The following NBAS variants were observed in gnomAD, a reference collection of about 807,000 sequenced individuals.
NBAS encodes the protein NBAS subunit of NRZ tethering complex, also known as NAG/BC035112 fusion.
In NBAS, 219 loss-of-function variants were observed where a neutral mutation model predicts 302.5. That is an observed-to-expected ratio of 0.72 (90% CI 0.65 to 0.81). The LOEUF is 0.81. Ranked by LOEUF, NBAS falls within the 30% of genes least tolerant of loss-of-function variation. NBAS has a pLI of 0.00. For missense variants in NBAS, 2,932 were observed against 2,841.6 expected (o/e 1.03, Z -0.72); for synonymous variants, 1,118 against 1,021.6 (o/e 1.09, Z -1.80).
chr2:15,224,268 A>G (rs1012608579), intron 47 of NBAS, among the ~76,000 whole-genome samples: 2 of 152,254 alleles, frequency 1.3e-5, no homozygotes, highest in Non-Finnish European at 2.9e-5. Context: ...ATTGAATCAC[A>G]GCAAGAAGAC....
At chr2:14,931,088 G>T in the NBAS span, among the ~76,000 whole-genome samples, 1 of 152,136 alleles carries the variant, frequency 6.6e-6, no homozygotes, top group Admixed American at 6.5e-5. Flanking sequence ...ATGAATGAAT[G>T]AACACCTAAC....
At chr2:15,243,486 G>C (rs757028258) in intron 44 of NBAS, among the ~76,000 whole-genome samples, 1 of 151,250 alleles carries the variant, frequency 6.6e-6, no homozygotes, top group Non-Finnish European at 1.5e-5. Flanking sequence ...ACTATCTACC[G>C]AAAGCCTCTA....
chr2:15,054,239 C>A, the NBAS span, among the ~76,000 whole-genome samples: 1 of 152,204 alleles, frequency 6.6e-6, no homozygotes, highest in African/African-American at 2.4e-5. Flanking sequence ...TAAGGAAAGC[C>A]ATGTGCAGAG....
intron 51 of NBAS, among the ~76,000 whole-genome samples, chr2:15,168,706 T>G (rs769151281): frequency 6.6e-6 from 1 of 152,264 alleles, no homozygotes; most frequent in African/African-American, 2.4e-5. Context: ...CTCGGCTCAC[T>G]GCAACCTCCT....
the NBAS span, among the ~76,000 whole-genome samples, chr2:15,138,054 C>T: frequency 6.6e-6 from 1 of 152,148 alleles, no homozygotes; most frequent in African/African-American, 2.4e-5. Context: ...ACGAGAATCA[C>T]AGAATGGTCC....
intron 43 of NBAS, among the ~76,000 whole-genome samples, chr2:15,276,085 A>G (rs1669571396): frequency 6.6e-6 from 1 of 152,122 alleles, no homozygotes; most frequent in Admixed American, 6.6e-5. Flanking sequence ...AGAGATGACA[A>G]TATCTCCATG....
intron 9 of NBAS, among the ~76,000 whole-genome samples, chr2:15,512,971 C>T (rs897059050): frequency 6.6e-6 from 1 of 152,202 alleles, no homozygotes; most frequent in African/African-American, 2.4e-5. Context: ...CATTTGACAA[C>T]CCACTTTCTA....
At chr2:14,828,458 G>A in the NBAS span, among the ~76,000 whole-genome samples, 250 of 152,114 alleles carry the variant, frequency 1.6e-3, 1 homozygote, top group Non-Finnish European at 1.2e-3. Flanking sequence ...AAGGAGGAGA[G>A]GTTAGGCAGA....
At chr2:14,933,593 C>A in the NBAS span, among the ~76,000 whole-genome samples, 3 of 152,072 alleles carry the variant, frequency 2.0e-5, no homozygotes, top group Non-Finnish European at 1.5e-5. Context: ...GAACAAATGA[C>A]CCTCTTTTTT....
intron 40 of NBAS, among the ~76,000 whole-genome samples, chr2:15,304,925 G>A (rs1670962002): frequency 1.3e-5 from 2 of 152,178 alleles, no homozygotes; most frequent in African/African-American, 4.8e-5. Flanking sequence ...GTTAGTTCTA[G>A]GAAGTAACTA....
At chr2:15,074,529 C>T in the NBAS span, among the ~76,000 whole-genome samples, 1 of 151,544 alleles carries the variant, frequency 6.6e-6, no homozygotes, top group Admixed American at 6.6e-5. Context: ...GACAAGAAGT[C>T]ACAAAGAAAT....
At chr2:14,921,740 G>A in the NBAS span, among the ~76,000 whole-genome samples, 11 of 152,082 alleles carry the variant, frequency 7.2e-5, no homozygotes, top group South Asian at 2.1e-4. Flanking sequence ...TGTGTGATTC[G>A]TGTATAAGCT....
chr2:14,924,461 A>G, the NBAS span, among the ~76,000 whole-genome samples: 4 of 152,252 alleles, frequency 2.6e-5, no homozygotes, highest in South Asian at 2.1e-4. Context: ...CTCCAGATAT[A>G]TGCAAAAGGC....
chr2:14,952,460 G>A, the NBAS span, among the ~76,000 whole-genome samples: 2 of 152,216 alleles, frequency 1.3e-5, no homozygotes, highest in African/African-American at 4.8e-5. Flanking sequence ...TGCAAAGCAA[G>A]AAGAACCCAG....
rs34790746 is a variant in NBAS, at chr2:15,335,174, T to TAAA, written c.4180-4412_4180-4410dup. ...CAATGCAATGGGACCTCATCTCTCT[T>TAAA]AAAAAAAAAAAAAAAAAAAAAAAAT... On this transcript the variant is annotated intron_variant, in intron 35 of 51. Coordinates refer to ENST00000281513, the MANE Select transcript of NBAS (RefSeq NM_015909.4). Among the ~76,000 whole-genome samples, 373 of 117,254 alleles carry TAAA rather than the reference T, an allele frequency of 3.2e-3. 4 individuals carry two copies. Among genetic ancestry groups the TAAA allele is most frequent in the African/African-American group, 0.012 (347 of 30,014 alleles). The allele number at this position is 117,254 out of a possible 152,430, so 76.9% of individuals were successfully genotyped here. A position where few individuals can be genotyped will look rare whatever the true frequency, so the allele number is the denominator to read the frequency against.
intron 35 of NBAS, among the ~76,000 whole-genome samples, chr2:15,344,217 T>C (rs1672984251): frequency 6.6e-6 from 1 of 151,812 alleles, no homozygotes; most frequent in Non-Finnish European, 1.5e-5. Context: ...GGAATGGCTT[T>C]AATAAAAAAA....
At chr2:14,881,548 C>G in the NBAS span, among the ~76,000 whole-genome samples, 1 of 152,294 alleles carries the variant, frequency 6.6e-6, no homozygotes, top group African/African-American at 2.4e-5. Flanking sequence ...ATCCAGGAAT[C>G]TACATGCAGC....
intron 14 of NBAS, among the ~76,000 whole-genome samples, 181 bp from the exon 15 acceptor site, chr2:15,474,505 A>T (rs1475760618): frequency 6.6e-6 from 1 of 152,184 alleles, no homozygotes; most frequent in African/African-American, 2.4e-5. Context: ...CATCAGAAAT[A>T]TGCACATACA....
the NBAS span, among the ~76,000 whole-genome samples, chr2:14,790,165 A>G: frequency 1.3e-5 from 2 of 152,226 alleles, no homozygotes; most frequent in Non-Finnish European, 2.9e-5. Context: ...CTGAGTCAGG[A>G]GTACAAATAC....
Sources: allele counts gnomAD v4.1 joint callset (sites outside exome capture counted in the v4.1 genomes callset), GRCh38; gene constraint gnomAD v4.1.1; transcripts MANE v1.5; gene names NCBI Gene and HGNC (gene_info 2026-07-23, HGNC 2026-07-21).